Variants in SLC4A4 observed in about 807,000 individuals in gnomAD.
SLC4A4 encodes the protein solute carrier family 4 member 4.
Under a neutral mutation model 111.5 loss-of-function variants are expected in SLC4A4, and 27 were observed. The ratio of observed to expected loss-of-function variants is 0.24; its 90% CI spans 0.18 to 0.33. The LOEUF is 0.33. SLC4A4 is among the 10% of genes least tolerant of loss of function. The probability of loss-of-function intolerance (pLI) is 1.00; values close to 1 mark genes in which losing one functional copy is unlikely to be tolerated. For missense variants in SLC4A4, 909 were observed against 1,315.5 expected, an observed-to-expected ratio of 0.69 and a Z score of 4.78; for synonymous variants, 443 against 463.4, an observed-to-expected ratio of 0.96 and a Z score of 0.57.
At chr4:71,358,033 G>A (rs1425071072) in intron 6 of SLC4A4, among the ~76,000 whole-genome samples, 2 of 152,168 alleles carry the variant, frequency 1.3e-5, no homozygotes, top group Non-Finnish European at 2.9e-5. Context: ...AGAGAGATGA[G>A]GCCGGGCGCG....
chr4:71,136,238 C>T (rs1176664245), intron 2 of SLC4A4, among the ~76,000 whole-genome samples: 2 of 152,214 alleles, frequency 1.3e-5, no homozygotes, highest in African/African-American at 4.8e-5. Flanking sequence ...TACTAAACAA[C>T]ATGTCATTGA....
intron 1 of SLC4A4, among the ~76,000 whole-genome samples, chr4:71,190,234 C>G (rs1420366950): frequency 6.6e-6 from 1 of 152,130 alleles, no homozygotes; most frequent in Non-Finnish European, 1.5e-5. Context: ...AATATATAAA[C>G]TCTTGATACG....
At chr4:71,158,442 C>G (rs1744535037) in intron 2 of SLC4A4, among the ~76,000 whole-genome samples, 1 of 152,096 alleles carries the variant, frequency 6.6e-6, no homozygotes, top group African/African-American at 2.4e-5. Context: ...TTTTGAAAAG[C>G]TGGAATGTTT....
intron 16 of SLC4A4, among the ~76,000 whole-genome samples, chr4:71,520,846 T>G (rs575714762): frequency 5.5e-4 from 83 of 151,708 alleles, no homozygotes; most frequent in South Asian, 4.6e-3. Context: ...TTCTTTTTTT[T>G]GGGGGGGTGG....
chr4:71,365,622 A>G (rs1434604963), intron 6 of SLC4A4, among the ~76,000 whole-genome samples: 2 of 152,196 alleles, frequency 1.3e-5, no homozygotes, highest in African/African-American at 2.4e-5. Context: ...ACAAAGGACA[A>G]AAAGGAGATC....
chr4:71,389,234 A>G (rs1400282114), intron 6 of SLC4A4, among the ~76,000 whole-genome samples: 1 of 152,182 alleles, frequency 6.6e-6, no homozygotes, highest in East Asian at 1.9e-4. Context: ...TCTCCATATA[A>G]GGACATCCTC....
At chr4:71,184,665 ATCTT>A (rs140462037), upstream of SLC4A4, among the ~76,000 whole-genome samples, 102 of 152,294 alleles carry the variant, frequency 6.7e-4, no homozygotes, top group African/African-American at 2.4e-3. Context: ...GAACTAATAA[ATCTT>A]TCTTTGTGCT....
intron 2 of SLC4A4, among the ~76,000 whole-genome samples, chr4:71,177,507 A>G (rs1420963800): frequency 6.6e-6 from 1 of 152,182 alleles, no homozygotes; most frequent in Non-Finnish European, 1.5e-5. Flanking sequence ...ATGGAAAACA[A>G]AAAAAGGCAG....
At chr4:71,506,650 T>C (rs1331531391) in intron 16 of SLC4A4, among the ~76,000 whole-genome samples, 1 of 151,970 alleles carries the variant, frequency 6.6e-6, no homozygotes, top group Non-Finnish European at 1.5e-5. Flanking sequence ...GTAGTTTGAC[T>C]CCCAGTTTGG....
At chr4:71,407,856 A>G (rs1042205718) in intron 7 of SLC4A4, among the ~76,000 whole-genome samples, 3 of 152,124 alleles carry the variant, frequency 2.0e-5, no homozygotes, top group African/African-American at 7.2e-5. Flanking sequence ...TCCACAGACC[A>G]CAATGAATAG....
intron 6 of SLC4A4, among the ~76,000 whole-genome samples, chr4:71,395,865 A>T (rs917950694): frequency 3.9e-5 from 6 of 152,214 alleles, no homozygotes; most frequent in South Asian, 4.1e-4. Context: ...GCTATTTTCA[A>T]CATGATTAGG....
At chr4:71,559,429 A>G (rs1325056551) in intron 22 of SLC4A4, among the ~76,000 whole-genome samples, 2 of 151,808 alleles carry the variant, frequency 1.3e-5, no homozygotes, top group Non-Finnish European at 2.9e-5. Context: ...TGGACAACAT[A>G]CTTAATGTCT....
intron 14 of SLC4A4, among the ~76,000 whole-genome samples, chr4:71,485,046 T>C (rs889679980): frequency 6.6e-6 from 1 of 151,840 alleles, no homozygotes; most frequent in African/African-American, 2.4e-5. Context: ...GGGCTGAGAC[T>C]GTGGGGTTTT....
In SLC4A4 at chr4:71,461,289, T is replaced by A. The variant is rs1465252179; in HGVS notation, c.1498-5155T>A. Among the ~76,000 whole-genome samples, 6 of 152,052 alleles carry A rather than the reference T, an allele frequency of 3.9e-5. No homozygotes were observed. The East Asian group carries it at 1.2e-3, about 29-fold the overall frequency. On this transcript the variant is annotated intron_variant, in intron 12 of 25. Transcript: ENST00000264485. Reference sequence around the variant, plus strand: ...CCATACTTTAGTGGGTGGAAAATTGTCAAAAAAAATAGAAAATTTTTTGTT... The same window carrying A: ...CCATACTTTAGTGGGTGGAAAATTGACAAAAAAAATAGAAAATTTTTTGTT...
chr4:71,196,364 G>A (rs912604255), intron 1 of SLC4A4, among the ~76,000 whole-genome samples: 1 of 151,890 alleles, frequency 6.6e-6, no homozygotes, highest in Non-Finnish European at 1.5e-5. Flanking sequence ...GGAGAAGGCG[G>A]ATAGGAAATG....
At chr4:71,512,562 C>T (rs1732026114) in intron 16 of SLC4A4, among the ~76,000 whole-genome samples, 2 of 152,092 alleles carry the variant, frequency 1.3e-5, no homozygotes, top group Non-Finnish European at 2.9e-5. Context: ...GAATAATTTG[C>T]AAATATATTT....
chr4:71,174,183 T>C (rs1360093516), intron 2 of SLC4A4, among the ~76,000 whole-genome samples: 1 of 151,888 alleles, frequency 6.6e-6, no homozygotes, highest in Non-Finnish European at 1.5e-5. Flanking sequence ...CCTAGCCACA[T>C]CTCTTAAAAT....
At chr4:71,528,482 G>C (rs1733608961) in intron 16 of SLC4A4, among the ~76,000 whole-genome samples, 1 of 152,056 alleles carries the variant, frequency 6.6e-6, no homozygotes, top group Non-Finnish European at 1.5e-5. Context: ...AGTATCTGCA[G>C]TAATTTGTGT....
intron 4 of SLC4A4, among the ~76,000 whole-genome samples, chr4:71,343,003 A>G (rs1729016704): frequency 6.6e-6 from 1 of 152,142 alleles, no homozygotes; most frequent in African/African-American, 2.4e-5. Flanking sequence ...GCTGTCGATT[A>G]ATTCATTATG....
Sources: gnomAD v4.1 joint callset for allele counts (sites outside exome capture counted in the v4.1 genomes callset) on GRCh38, gnomAD v4.1.1 for gene constraint, MANE v1.5 for transcripts, NCBI Gene and HGNC (gene_info 2026-07-23, HGNC 2026-07-21) for gene names.